Variants in CFAP299 observed in about 807,000 individuals in gnomAD.
The protein encoded by CFAP299 is cilia- and flagella-associated protein 299.
A neutral mutation model predicts 27.0 loss-of-function variants in CFAP299; 21 were observed. The ratio of observed to expected loss-of-function variants is 0.78; its 90% CI spans 0.55 to 1.12. CFAP299 has a LOEUF of 1.12. Ranked by LOEUF, CFAP299 falls within the 50% of genes most tolerant of loss-of-function variation. The pLI, the probability that CFAP299 is intolerant of heterozygous loss-of-function variation, is 0.00. For synonymous variants in CFAP299, 104 were observed against 98.1 expected, an observed-to-expected ratio of 1.06 and a Z score of -0.36; for missense variants, 310 against 276.6, an observed-to-expected ratio of 1.12 and a Z score of -0.86.
At chr4:80,777,992 A>G (rs930247432) in intron 3 of CFAP299, among the ~76,000 whole-genome samples, 9 of 152,182 alleles carry the variant, frequency 5.9e-5, no homozygotes, top group African/African-American at 2.2e-4. Context: ...ATTTTTAAAA[A>G]GAGAAAAAAA....
chr4:80,740,657 G>A (rs141763080), intron 3 of CFAP299, among the ~76,000 whole-genome samples: 100 of 152,300 alleles, frequency 6.6e-4, no homozygotes, highest in African/African-American at 4.1e-4. Context: ...AGAGATGCTC[G>A]TTAGGAGCCA....
At chr4:80,389,034 T>C (rs1207351944) in intron 2 of CFAP299, among the ~76,000 whole-genome samples, 1 of 152,198 alleles carries the variant, frequency 6.6e-6, no homozygotes, top group East Asian at 1.9e-4. Context: ...TTCCCTTTTA[T>C]ATGCTCTTTA....
rs1314120556 is a variant in CFAP299, at chr4:80,819,946, G to A, written c.334-50047G>A. On this transcript the variant is annotated intron_variant, in intron 3 of 5. Transcript: ENST00000358105. ...CAGCTACATATTCTTGGAAAACTAA[G>A]ACCTTTTTCCCCTTCTTATGTTGTT... Among the ~76,000 whole-genome samples, 3 of 152,072 alleles carry A rather than the reference G, an allele frequency of 2.0e-5. No homozygotes were observed. The East Asian group carries it at 5.8e-4, about 29-fold the overall frequency.
At chr4:80,903,154 C>A (rs774876769) in intron 4 of CFAP299, among the ~76,000 whole-genome samples, 3 of 152,002 alleles carry the variant, frequency 2.0e-5, no homozygotes, top group Non-Finnish European at 2.9e-5. Context: ...TGTTACAAAG[C>A]ATCTTTTATT....
the CFAP299 span, among the ~76,000 whole-genome samples, chr4:80,328,567 A>G: frequency 6.6e-6 from 1 of 152,046 alleles, no homozygotes; most frequent in Non-Finnish European, 1.5e-5. Flanking sequence ...GGAAGATGAC[A>G]ATTTTGAATA....
intron 3 of CFAP299, among the ~76,000 whole-genome samples, chr4:80,594,106 T>TAGACTAATA (rs1032368350): frequency 6.6e-6 from 1 of 152,196 alleles, no homozygotes; most frequent in African/African-American, 2.4e-5. Context: ...GCTAGGTATA[T>TAGACTAATA]TAGTCCATTT....
chr4:80,517,729 A>G (rs1262075959), intron 2 of CFAP299, among the ~76,000 whole-genome samples: 1 of 152,168 alleles, frequency 6.6e-6, no homozygotes, highest in Admixed American at 6.5e-5. Flanking sequence ...GCACTGATAC[A>G]CACTACTTAT....
At chr4:80,671,102 C>A (rs1443753303) in intron 3 of CFAP299, among the ~76,000 whole-genome samples, 1 of 152,152 alleles carries the variant, frequency 6.6e-6, no homozygotes, top group Non-Finnish European at 1.5e-5. Context: ...AGGTTTTCTT[C>A]TAGGGTTTTT....
intron 3 of CFAP299, among the ~76,000 whole-genome samples, chr4:80,794,947 A>G (rs749365500): frequency 2.0e-5 from 3 of 152,148 alleles, no homozygotes; most frequent in South Asian, 2.1e-4. Flanking sequence ...AGCCAGGTCA[A>G]CCTTGGTGAG....
intron 2 of CFAP299, among the ~76,000 whole-genome samples, chr4:80,367,255 C>T (rs1252560275): frequency 6.6e-6 from 1 of 152,040 alleles, no homozygotes; most frequent in African/African-American, 2.4e-5. Context: ...TAAATGCAAT[C>T]GTAAGTACTG....
intron 2 of CFAP299, among the ~76,000 whole-genome samples, chr4:80,543,941 CA>C (rs1369123353): frequency 6.6e-6 from 1 of 152,206 alleles, no homozygotes; most frequent in African/African-American, 2.4e-5. Context: ...GGTCTTAAGA[CA>C]GCTAGAGAGA....
chr4:80,597,277 C>T (rs1236063201), intron 3 of CFAP299, among the ~76,000 whole-genome samples: 1 of 152,108 alleles, frequency 6.6e-6, no homozygotes, highest in Non-Finnish European at 1.5e-5. Flanking sequence ...AAGTATATAG[C>T]ATTATATCAT....
chr4:80,872,158 T>C (rs769126865), intron 4 of CFAP299: 4 of 152,120 alleles, frequency 2.6e-5, no homozygotes, highest in Non-Finnish European at 4.4e-5. Context: ...AAATGCAGTA[T>C]AATTTTTTTC....
intron 4 of CFAP299, among the ~76,000 whole-genome samples, chr4:80,899,808 C>T (rs144741059): frequency 9.8e-5 from 15 of 152,296 alleles, no homozygotes; most frequent in Admixed American, 4.6e-4. Flanking sequence ...CTCTCTGCCT[C>T]ATTTGTCCCA....
intron 1 of CFAP299, among the ~76,000 whole-genome samples, chr4:80,361,619 G>T (rs1035119458): frequency 2.6e-5 from 4 of 152,182 alleles, no homozygotes; most frequent in African/African-American, 9.7e-5. Flanking sequence ...GGCCTTCCAA[G>T]ACCTGTTGCT....
intron 4 of CFAP299, among the ~76,000 whole-genome samples, chr4:80,913,121 G>A (rs968736023): frequency 2.0e-5 from 3 of 152,058 alleles, no homozygotes; most frequent in African/African-American, 7.2e-5. Flanking sequence ...CTGCATCTAA[G>A]GACATTACTG....
intron 3 of CFAP299, among the ~76,000 whole-genome samples, chr4:80,788,526 T>C (rs561695269): frequency 5.1e-4 from 77 of 152,128 alleles, no homozygotes; most frequent in Non-Finnish European, 8.4e-4. Flanking sequence ...TATATGTGTA[T>C]AGACATATAT....
At chr4:80,770,512 T>C (rs1392765227) in intron 3 of CFAP299, among the ~76,000 whole-genome samples, 1 of 152,216 alleles carries the variant, frequency 6.6e-6, no homozygotes, top group Non-Finnish European at 1.5e-5. Context: ...TTCCTATTTT[T>C]AAGTACAAAC....
chr4:80,370,992 G>A (rs150056056), intron 2 of CFAP299, among the ~76,000 whole-genome samples: 20 of 152,336 alleles, frequency 1.3e-4, no homozygotes, highest in African/African-American at 2.9e-4. Flanking sequence ...TGCCCCTGCC[G>A]CAGGGTTTTG....
Sources: gnomAD v4.1 joint callset for allele counts (sites outside exome capture counted in the v4.1 genomes callset) on GRCh38, gnomAD v4.1.1 for gene constraint, MANE v1.5 for transcripts, NCBI Gene and HGNC (gene_info 2026-07-23, HGNC 2026-07-21) for gene names.